Variants in ZNF148 observed in about 807,000 individuals in gnomAD.
ZNF148 encodes zinc finger protein 148.
A neutral mutation model predicts 67.7 loss-of-function variants in ZNF148; 7 were observed. The observed-to-expected ratio is 0.10, with a 90% CI of 0.06 to 0.19. The LOEUF (loss-of-function observed/expected upper bound fraction) is 0.19. Ranked by LOEUF, ZNF148 falls within the 10% of genes least tolerant of loss-of-function variation. The pLI, the probability that ZNF148 is intolerant of heterozygous loss-of-function variation, is 1.00. For missense variants in ZNF148, 583 were observed against 947.1 expected, an observed-to-expected ratio of 0.62 and a Z score of 5.05; for synonymous variants, 333 against 330.7, an observed-to-expected ratio of 1.01 and a Z score of -0.08.
intron 1 of ZNF148, among the ~76,000 whole-genome samples, chr3:125,335,002 AG>A (rs1941432757): frequency 6.6e-6 from 1 of 152,190 alleles, no homozygotes; most frequent in South Asian, 2.1e-4. Flanking sequence ...CTACAAGTCT[AG>A]CTAAAGTCTT....
At chr3:125,354,739 T>C (rs1308510232) in intron 1 of ZNF148, among the ~76,000 whole-genome samples, 2 of 152,226 alleles carry the variant, frequency 1.3e-5, no homozygotes, top group Admixed American at 6.5e-5. Flanking sequence ...TTTAATTGTT[T>C]TGTTTTAAAA....
intron 4 of ZNF148, among the ~76,000 whole-genome samples, chr3:125,307,320 T>C (rs78840225): frequency 6.6e-6 from 1 of 152,068 alleles, no homozygotes; most frequent in African/African-American, 2.4e-5. Flanking sequence ...TTTTTTTTTT[T>C]TGAGACGGAG....
At chr3:125,368,771 C>T (rs1312185052) in intron 1 of ZNF148, among the ~76,000 whole-genome samples, 2 of 151,636 alleles carry the variant, frequency 1.3e-5, no homozygotes, top group African/African-American at 4.9e-5. Flanking sequence ...ACGGCGAAAC[C>T]CCATCTCTAC....
At chr3:125,339,649 A>C (rs1216807355) in intron 1 of ZNF148, among the ~76,000 whole-genome samples, 2 of 152,226 alleles carry the variant, frequency 1.3e-5, no homozygotes, top group East Asian at 3.8e-4. Context: ...AAGGCTGTAC[A>C]TTTTTAAATA....
chr3:125,257,513 C>T (rs1050269381), intron 7 of ZNF148, among the ~76,000 whole-genome samples: 2 of 149,832 alleles, frequency 1.3e-5, no homozygotes, highest in Admixed American at 1.3e-4. Context: ...TGAGATCACG[C>T]CACTGCACTC....
In ZNF148 at chr3:125,285,521, G is replaced by A. The variant is rs138164028; in HGVS notation, c.459+2582C>T. Among the ~76,000 whole-genome samples the A allele has an allele frequency of 6.7e-4, 101 of 151,754 alleles. No individual in the cohort carries two copies. In the Middle Eastern group the frequency reaches 0.014, roughly 20 times the overall value. ...CTGTCCCATTACATGTAACATGCCA[G>A]GACAATTGAAAAATAATTGTTTGTT... On this transcript the variant is annotated intron_variant, in intron 5 of 8. Coordinates refer to ENST00000360647, the MANE Select transcript of ZNF148 (RefSeq NM_021964.3).
intron 5 of ZNF148, among the ~76,000 whole-genome samples, chr3:125,283,575 A>G (rs1244200029): frequency 6.6e-6 from 1 of 152,142 alleles, no homozygotes; most frequent in African/African-American, 2.4e-5. Context: ...GGAAAATTAG[A>G]TAAATAAAAC....
intron 4 of ZNF148, among the ~76,000 whole-genome samples, chr3:125,307,895 C>G (rs1939974746): frequency 6.6e-6 from 1 of 150,694 alleles, no homozygotes; most frequent in Non-Finnish European, 1.5e-5. Context: ...CAAGCAATCC[C>G]TTGCCTGCCT....
In ZNF148 at chr3:125,233,681, A is replaced by G; in HGVS notation, c.1045T>C (p.Tyr349His). 6.2e-7 allele frequency: 1 copy of G among 1,614,008 alleles called. No individual in the cohort carries two copies. The highest frequency in any genetic ancestry group is 8.5e-7 in the Non-Finnish European group (1 of 1,179,922). Residue 349 changes from tyrosine (Y) to histidine (H), a missense_variant, in exon 9 of 9, where the codon TAT (tyrosine) becomes CAT (histidine). Transcript: ENST00000360647. This position sits in a 1 kb window ranked among gnomAD's most constrained non-coding sequence, Gnocchi z 5.1. ...TCTTTTACTTTAGTACTTGAAGAAT[A>G]AAGAGGCAAGTAATCATTTTTGTCT... The part of the protein sequence containing the change: ...KKDKNDYLPL[Y>H]SSSTKVKDEY...
chr3:125,370,764 T>C (rs1942854079), intron 1 of ZNF148, among the ~76,000 whole-genome samples: 1 of 152,224 alleles, frequency 6.6e-6, no homozygotes, highest in Non-Finnish European at 1.5e-5. Flanking sequence ...GGGCCCAGTA[T>C]AGTTTTTTCC....
chr3:125,355,822 T>TA (rs1451910097), intron 1 of ZNF148, among the ~76,000 whole-genome samples: 2 of 152,196 alleles, frequency 1.3e-5, no homozygotes, highest in Non-Finnish European at 2.9e-5. Context: ...TGTGTGTGGC[T>TA]AATGTAGTAA....
Position 125,367,402 on chromosome 3 carries a change from TC to T in ZNF148, c.-234+7699del, listed in dbSNP as rs775604915. Among the ~76,000 whole-genome samples, 3 of 152,202 alleles carry T rather than the reference TC, an allele frequency of 2.0e-5. No homozygotes were observed. The South Asian group carries it at 6.2e-4, about 31-fold the overall frequency. Reference sequence around the variant, plus strand: ...CCCATCTGCTTATCTTCTACCTTATTCCTAGTTCTCTAACACCGATACACAT... The same window carrying T: ...CCCATCTGCTTATCTTCTACCTTATTCTAGTTCTCTAACACCGATACACAT... On this transcript the variant is annotated intron_variant, in intron 1 of 8. Transcript: ENST00000360647.
rs1559769653 is a variant in ZNF148 at position 125,342,001 on chromosome 3, G to GA, written c.-233-10764_-233-10763insT. ...CAGAGCCACACTCTGTTTCGGGGCG[G>GA]GGGGGGGAATGGAAATCATGGGGAA... is the stretch of plus-strand genomic sequence containing the variant. On this transcript the variant is annotated intron_variant, in intron 1 of 8. Coordinates refer to ENST00000360647, the MANE Select transcript of ZNF148 (RefSeq NM_021964.3). Among the ~76,000 whole-genome samples the GA allele has an allele frequency of 2.8e-4, 42 of 149,554 alleles. 3 individuals carry two copies. The highest frequency in any genetic ancestry group is 1.0e-3 in the African/African-American group (41 of 41,002).
At chr3:125,314,738 T>C (rs1440357485) in intron 3 of ZNF148, among the ~76,000 whole-genome samples, 1 of 152,206 alleles carries the variant, frequency 6.6e-6, no homozygotes, top group African/African-American at 2.4e-5. Flanking sequence ...CTTTTCAAAA[T>C]CTTTAGGTAG....
intron 7 of ZNF148, among the ~76,000 whole-genome samples, chr3:125,250,711 T>C (rs2107546887): frequency 6.6e-6 from 1 of 152,346 alleles, no homozygotes; most frequent in Middle Eastern, 3.4e-3. Context: ...TTTTTGTTTG[T>C]TTTTGTTTTT....
intron 4 of ZNF148, among the ~76,000 whole-genome samples, chr3:125,288,630 A>C (rs540981622): frequency 1.5e-4 from 23 of 152,300 alleles, no homozygotes; most frequent in Non-Finnish European, 2.5e-4. Flanking sequence ...AGGGAATAAA[A>C]GAGGTATTTA....
chr3:125,313,256 G>GT, intron 4 of ZNF148, 52 bp downstream of exon 4: 2 of 1,476,920 alleles, frequency 1.4e-6, no homozygotes, highest in Non-Finnish European at 1.8e-6. Context: ...GCAGTATTAC[G>GT]TAACAAAAAA....
At chr3:125,314,542 A>G (rs1346488736) in intron 3 of ZNF148, among the ~76,000 whole-genome samples, 1 of 152,118 alleles carries the variant, frequency 6.6e-6, no homozygotes, top group Non-Finnish European at 1.5e-5. Context: ...AAATCAAAAT[A>G]CTCTTTCCTT....
chr3:125,340,787 C>A (rs910953828), intron 1 of ZNF148, among the ~76,000 whole-genome samples: 3 of 151,562 alleles, frequency 2.0e-5, no homozygotes, highest in African/African-American at 4.8e-5. Context: ...GAGATCGAGA[C>A]CATCCCGGCT....
Sources: gnomAD v4.1 joint callset for allele counts (sites outside exome capture counted in the v4.1 genomes callset) on GRCh38, gnomAD v4.1.1 for gene constraint, Gnocchi (gnomAD v3.1) non-coding constraint, MANE v1.5 for transcripts, NCBI Gene and HGNC (gene_info 2026-07-23, HGNC 2026-07-21) for gene names.